Variants in AK8 observed in about 807,000 individuals in gnomAD.
The protein encoded by AK8 is ATP-AMP transphosphorylase 8.
A neutral mutation model predicts 54.6 loss-of-function variants in AK8; 44 were observed. The ratio of observed to expected loss-of-function variants is 0.81; its 90% CI spans 0.63 to 1.04. The LOEUF (loss-of-function observed/expected upper bound fraction) is 1.04. Among genes scored for constraint, AK8 ranks in the 50% least tolerant of loss-of-function variants. The probability of loss-of-function intolerance (pLI) is 0.00; values close to 1 mark genes in which losing one functional copy is unlikely to be tolerated. For synonymous variants in AK8, 239 were observed against 245.6 expected (o/e 0.97, Z 0.25); for missense variants, 555 against 613.6 (o/e 0.90, Z 1.01).
intron 11 of AK8, among the ~76,000 whole-genome samples, chr9:132,782,306 T>A (rs897840451): frequency 6.6e-6 from 1 of 152,128 alleles, no homozygotes; most frequent in African/African-American, 2.4e-5. Flanking sequence ...CCCTGACCTG[T>A]TAATGACACC....
chr9:132,861,728 A>T (rs975103532), intron 4 of AK8: 1 of 152,260 alleles, frequency 6.6e-6, no homozygotes, highest in Non-Finnish European at 1.5e-5. Context: ...AGCCATAAAG[A>T]TTCCAAATCA....
At position 132,867,015 on chromosome 9, in the gene AK8, G is replaced by A. The variant is rs1326679374; in HGVS notation, c.170-62C>T. 2.1e-5 allele frequency: 31 copies of A among 1,474,120 alleles called. No homozygotes were observed. In the Admixed American group the frequency reaches 4.4e-4, roughly 21 times the overall value. The allele number at this position is 1,474,120 out of a possible 1,614,324, so 91.3% of individuals were successfully genotyped here. The stretch of plus-strand genomic sequence containing the variant: ...ATGACAAGCAGCCTCCCACACCTGC[G>A]GTACTCGGGGTGTACTTATTTCTCC... On this transcript the variant is annotated intron_variant, in intron 2 of 12. Transcript: ENST00000298545.
intron 5 of AK8, among the ~76,000 whole-genome samples, chr9:132,831,587 G>A (rs1842103693): frequency 6.6e-6 from 1 of 152,148 alleles, no homozygotes; most frequent in African/African-American, 2.4e-5. Context: ...GTCAACGCTG[G>A]GAGCCCCCGC....
chr9:132,744,519 T>G lies in AK8; in HGVS notation c.1122-16985A>C, dbSNP rs1005597569. On this transcript the variant is annotated intron_variant, in intron 11 of 12. Transcript: ENST00000298545. ...GTGTCAAAGAGAAACGGTCTCATGA[T>G]AGCAGAAATCTCCCATTTTACAGAC... 1.3e-5 allele frequency among the ~76,000 whole-genome samples: 2 copies of G among 152,038 alleles called. 1 individual carries two copies. Among genetic ancestry groups the G allele is most frequent in the South Asian group, 4.2e-4 (2 of 4,802 alleles).
At chr9:132,872,095 G>A (rs1843864715) in intron 2 of AK8, among the ~76,000 whole-genome samples, 1 of 152,182 alleles carries the variant, frequency 6.6e-6, no homozygotes, top group Admixed American at 6.5e-5. Context: ...AATGCTTTGG[G>A]AGGCCAAGGC....
chr9:132,834,782 A>G (rs933539594), intron 5 of AK8, among the ~76,000 whole-genome samples: 60 of 152,224 alleles, frequency 3.9e-4, no homozygotes, highest in South Asian at 2.1e-4. Flanking sequence ...CGGGGATATC[A>G]TTACTCCTAG....
intron 11 of AK8, among the ~76,000 whole-genome samples, chr9:132,763,148 C>T (rs375568299): frequency 3.9e-5 from 6 of 152,218 alleles, no homozygotes; most frequent in Admixed American, 1.3e-4. Context: ...TGTGGCCAGC[C>T]GGCTGCTGTA....
In AK8 at chr9:132,837,971, G is replaced by C. The variant is rs1842393621; in HGVS notation, c.403-9245C>G. Among the ~76,000 whole-genome samples the C allele has an allele frequency of 1.3e-5, 2 of 152,250 alleles. No individual in the cohort carries two copies. Among genetic ancestry groups the C allele is most frequent in the South Asian group, 4.1e-4 (2 of 4,830 alleles). On this transcript the variant is annotated intron_variant, in intron 5 of 12. Transcript: ENST00000298545. This position sits in a 1 kb window ranked among gnomAD's most constrained non-coding sequence, Gnocchi z 4.3. ...GGAACACACAGCCAGGGCCTCAGCA[G>C]AGCTGTGGATCAATAAAACCGCACT...
intron 11 of AK8, among the ~76,000 whole-genome samples, chr9:132,744,601 A>G (rs1775444197): frequency 6.6e-6 from 1 of 152,212 alleles, no homozygotes; most frequent in Admixed American, 6.5e-5. Context: ...ACTTCTGGAA[A>G]AACCTAAATC....
At position 132,781,603 on chromosome 9, in the gene AK8, A is replaced by C. The variant is rs899352381; in HGVS notation, c.1121+11031T>G. Among the ~76,000 whole-genome samples the C allele has an allele frequency of 1.3e-5, 2 of 152,184 alleles. No homozygotes were observed. Among genetic ancestry groups the C allele is most frequent in the Non-Finnish European group, 1.5e-5 (1 of 68,036 alleles). ...ATTTATTTTAATCTAATTTCATTGA[A>C]CCTTCCTTAAAAAAAGAGCCTTTGT... On this transcript the variant is annotated intron_variant, in intron 11 of 12. Transcript: ENST00000298545. This position sits in a 1 kb window ranked among gnomAD's most constrained non-coding sequence, Gnocchi z 4.6.
At chr9:132,854,402 C>T (rs569970599) in intron 5 of AK8, among the ~76,000 whole-genome samples, 2 of 152,234 alleles carry the variant, frequency 1.3e-5, no homozygotes, top group South Asian at 4.1e-4. Flanking sequence ...TCCTTGTGCC[C>T]CAGGAGGCCG....
intron 7 of AK8, 83 bp from the exon 8 acceptor site, chr9:132,827,137 T>C: frequency 7.0e-7 from 1 of 1,424,318 alleles, no homozygotes; most frequent in South Asian, 1.2e-5. Flanking sequence ...GTGCTTGCTG[T>C]CCTGGAGGCC....
intron 11 of AK8, among the ~76,000 whole-genome samples, chr9:132,789,577 A>G (rs2131157289): frequency 7.1e-6 from 1 of 141,138 alleles, no homozygotes; most frequent in East Asian, 2.2e-4. Flanking sequence ...AGCCTGGGCG[A>G]CAGAGTGATA....
At chr9:132,753,763 C>T (rs1017013317) in intron 11 of AK8, among the ~76,000 whole-genome samples, 1 of 152,234 alleles carries the variant, frequency 6.6e-6, no homozygotes, top group Non-Finnish European at 1.5e-5. Context: ...GGGCAGGAGA[C>T]AAGTGCTCTC....
At chr9:132,754,334 A>T (rs1212712662) in intron 11 of AK8, among the ~76,000 whole-genome samples, 1 of 152,222 alleles carries the variant, frequency 6.6e-6, no homozygotes. Context: ...AATGGGACCC[A>T]TGATGGAGCC....
chr9:132,733,539 G>A lies in AK8; in HGVS notation c.1122-6005C>T, dbSNP rs1054814725. Among the ~76,000 whole-genome samples the A allele has an allele frequency of 4.6e-5, 7 of 152,264 alleles. No individual in the cohort carries two copies. In the East Asian group the frequency reaches 1.3e-3, roughly 29 times the overall value. ...GGAATGGCTTGTGAAAGGCTGGCAA[G>A]ATGTGACGCACAAGGACACCAAATG... On this transcript the variant is annotated intron_variant, in intron 11 of 12. Coordinates refer to ENST00000298545, the MANE Select transcript of AK8 (RefSeq NM_152572.3).
intron 2 of AK8, among the ~76,000 whole-genome samples, chr9:132,868,971 G>T (rs1014536143): frequency 9.9e-5 from 15 of 152,124 alleles, no homozygotes; most frequent in Admixed American, 7.2e-4. Flanking sequence ...TTGAGGTCAG[G>T]AGTTCGAGAC....
chr9:132,847,338 G>A (rs746953252), intron 5 of AK8, among the ~76,000 whole-genome samples: 1 of 152,208 alleles, frequency 6.6e-6, no homozygotes, highest in Non-Finnish European at 1.5e-5. Context: ...CGGGCCTTTC[G>A]TTTGGCAGGG....
At chr9:132,851,081 A>C (rs1470928537) in intron 5 of AK8, among the ~76,000 whole-genome samples, 1 of 152,190 alleles carries the variant, frequency 6.6e-6, no homozygotes, top group Non-Finnish European at 1.5e-5. Context: ...AATCCAAAAT[A>C]CCACCAAACC....
Sources: gnomAD v4.1 joint callset for allele counts (sites outside exome capture counted in the v4.1 genomes callset) on GRCh38, gnomAD v4.1.1 for gene constraint, Gnocchi (gnomAD v3.1) non-coding constraint, MANE v1.5 for transcripts, NCBI Gene and HGNC (gene_info 2026-07-23, HGNC 2026-07-21) for gene names.